The following KCNH7 variants were observed in gnomAD, a reference collection of about 807,000 sequenced individuals.
The protein encoded by KCNH7 is potassium voltage-gated channel subfamily H member 7, also known as voltage-gated inwardly rectifying potassium channel KCNH7.
KCNH7 carries 49 observed loss-of-function variants against 120.8 expected under a neutral mutation model. The ratio of observed to expected loss-of-function variants is 0.41; its 90% CI spans 0.32 to 0.51. The LOEUF is 0.51. Ranked by LOEUF, KCNH7 falls within the 20% of genes least tolerant of loss-of-function variation. The pLI, the probability that KCNH7 is intolerant of heterozygous loss-of-function variation, is 0.38. For missense variants in KCNH7, 1,097 were observed against 1,446.6 expected (o/e 0.76, Z 3.92); for synonymous variants, 547 against 516.1 (o/e 1.06, Z -0.81).
intron 6 of KCNH7, among the ~76,000 whole-genome samples, chr2:162,489,028 G>A (rs117400689): frequency 8.4e-4 from 128 of 152,050 alleles, no homozygotes; most frequent in African/African-American, 2.4e-3. Context: ...TAGCTAATTC[G>A]GTATTTTAAA....
chr2:162,819,854 T>C (rs1685046234), intron 2 of KCNH7, among the ~76,000 whole-genome samples: 1 of 152,134 alleles, frequency 6.6e-6, no homozygotes, highest in South Asian at 2.1e-4. Flanking sequence ...AAAGCCTATT[T>C]GCTGTTTTTT....
intron 1 of KCNH7, among the ~76,000 whole-genome samples, chr2:162,837,217 T>C (rs971022686): frequency 6.6e-6 from 1 of 152,234 alleles, no homozygotes; most frequent in African/African-American, 2.4e-5. Context: ...AAAGTAGTTA[T>C]TATTCTTTGG....
At chr2:162,514,427 G>A (rs1691213305) in intron 4 of KCNH7, among the ~76,000 whole-genome samples, 1 of 151,682 alleles carries the variant, frequency 6.6e-6, no homozygotes, top group African/African-American at 2.4e-5. Flanking sequence ...TATATGTAAA[G>A]ATTTACCAAT....
chr2:162,671,825 C>G (rs1222255167), intron 2 of KCNH7, among the ~76,000 whole-genome samples: 1 of 151,934 alleles, frequency 6.6e-6, no homozygotes, highest in African/African-American at 2.4e-5. Context: ...TGTATTATTA[C>G]AAATAATATA....
chr2:162,700,866 G>A (rs1189807443), intron 2 of KCNH7, among the ~76,000 whole-genome samples: 1 of 152,010 alleles, frequency 6.6e-6, no homozygotes, highest in African/African-American at 2.4e-5. Context: ...AATCTGTTTT[G>A]GTGTCTTTAA....
chr2:162,699,082 A>G (rs907031431), intron 2 of KCNH7, among the ~76,000 whole-genome samples: 1 of 152,126 alleles, frequency 6.6e-6, no homozygotes, highest in Non-Finnish European at 1.5e-5. Context: ...TTTGTGGTGA[A>G]AAACTTAAAA....
At chr2:162,636,653 A>G (rs369767290) in intron 2 of KCNH7, among the ~76,000 whole-genome samples, 1 of 152,130 alleles carries the variant, frequency 6.6e-6, no homozygotes, top group South Asian at 2.1e-4. Flanking sequence ...ATTTTAATAA[A>G]CTGATCATAT....
intron 6 of KCNH7, among the ~76,000 whole-genome samples, chr2:162,484,455 A>G (rs75094001): frequency 0.026 from 3,945 of 152,256 alleles, 123 homozygotes; most frequent in East Asian, 0.11. Flanking sequence ...ATATGCTCTT[A>G]AGGAAGTTTT....
intron 6 of KCNH7, among the ~76,000 whole-genome samples, chr2:162,468,512 C>CT (rs1166606647): frequency 0.018 from 1,423 of 78,906 alleles, 243 homozygotes; most frequent in East Asian, 0.12. Context: ...TATTCTTTTC[C>CT]TTTTTTTTTT....
At chr2:162,510,020 C>G (rs1691015979) in intron 5 of KCNH7, among the ~76,000 whole-genome samples, 1 of 151,334 alleles carries the variant, frequency 6.6e-6, no homozygotes, top group Non-Finnish European at 1.5e-5. Context: ...GAAAAGCCAC[C>G]AAGTTGGAGG....
intron 2 of KCNH7, among the ~76,000 whole-genome samples, chr2:162,693,341 T>C (rs1300110119): frequency 1.3e-5 from 2 of 152,156 alleles, no homozygotes; most frequent in African/African-American, 2.4e-5. Context: ...GAGGTTATAA[T>C]GGAAAGAAAT....
chr2:162,520,719 T>G (rs936281787), intron 3 of KCNH7, among the ~76,000 whole-genome samples: 1 of 151,806 alleles, frequency 6.6e-6, no homozygotes, highest in Non-Finnish European at 1.5e-5. Context: ...CAGTTAGCTA[T>G]GATTGAGCCA....
intron 2 of KCNH7, chr2:162,797,405 A>G (rs1285941456): frequency 6.6e-6 from 1 of 152,064 alleles, no homozygotes; most frequent in African/African-American, 2.4e-5. Context: ...TTGACAGAAA[A>G]CAGGAGTGGT....
At chr2:162,444,232 C>A (rs1688512956) in intron 7 of KCNH7, among the ~76,000 whole-genome samples, 1 of 152,160 alleles carries the variant, frequency 6.6e-6, no homozygotes, top group South Asian at 2.1e-4. Flanking sequence ...ATGTAAGTTC[C>A]TGGACAACAC....
intron 2 of KCNH7, among the ~76,000 whole-genome samples, chr2:162,675,455 A>C (rs1315295789): frequency 6.6e-6 from 1 of 151,588 alleles, no homozygotes; most frequent in Non-Finnish European, 1.5e-5. Flanking sequence ...GAACAGCAAA[A>C]AGAAAACTAG....
At chr2:162,739,745 G>A (rs771581652) in intron 2 of KCNH7, among the ~76,000 whole-genome samples, 11 of 152,110 alleles carry the variant, frequency 7.2e-5, no homozygotes, top group Admixed American at 3.3e-4. Flanking sequence ...AGAGTCCCAG[G>A]CCCCATAATA....
chr2:162,710,538 G>A (rs1388924768), intron 2 of KCNH7, among the ~76,000 whole-genome samples: 1 of 152,146 alleles, frequency 6.6e-6, no homozygotes, highest in East Asian at 1.9e-4. Flanking sequence ...TAGCACTATT[G>A]TCTATTAATA....
chr2:162,596,804 A>G (rs1425511348), intron 2 of KCNH7, among the ~76,000 whole-genome samples: 1 of 152,078 alleles, frequency 6.6e-6, no homozygotes, highest in Non-Finnish European at 1.5e-5. Context: ...CAAACTGTCC[A>G]TCTGGTAAGG....
chr2:162,699,259 A>T (rs1686405165), intron 2 of KCNH7, among the ~76,000 whole-genome samples: 1 of 152,156 alleles, frequency 6.6e-6, no homozygotes, highest in African/African-American at 2.4e-5. Flanking sequence ...TAACCACCAC[A>T]TATAAGTGAG....
Sources: gnomAD v4.1 joint callset for allele counts (sites outside exome capture counted in the v4.1 genomes callset) on GRCh38, gnomAD v4.1.1 for gene constraint, MANE v1.5 for transcripts, NCBI Gene and HGNC (gene_info 2026-07-23, HGNC 2026-07-21) for gene names.